Variants in DPT observed in about 807,000 individuals in gnomAD.
DPT encodes the protein dermatopontin, also known as tyrosine-rich acidic matrix protein.
Under a neutral mutation model 31.2 loss-of-function variants are expected in DPT, and 21 were observed. The ratio of observed to expected loss-of-function variants is 0.67; its 90% CI spans 0.48 to 0.97. DPT has a LOEUF of 0.97. DPT is among the 50% of genes least tolerant of loss of function. The pLI is 0.00. For synonymous variants in DPT, 91 were observed against 86.9 expected, an observed-to-expected ratio of 1.05 and a Z score of -0.26; for missense variants, 262 against 258.8, an observed-to-expected ratio of 1.01 and a Z score of -0.08.
intron 2 of DPT, among the ~76,000 whole-genome samples, chr1:168,707,554 A>C (rs1018805924): frequency 2.0e-5 from 3 of 152,180 alleles, no homozygotes; most frequent in African/African-American, 4.8e-5. Flanking sequence ...TATCACCTAT[A>C]ATGCAGGCAC....
At chr1:168,721,214 C>G (rs924797049) in intron 1 of DPT, among the ~76,000 whole-genome samples, 1 of 152,204 alleles carries the variant, frequency 6.6e-6, no homozygotes, top group African/African-American at 2.4e-5. Context: ...GTAAAAGAAG[C>G]CTTCAAAGTT....
At chr1:168,716,000 T>C (rs1321261276) in intron 1 of DPT, among the ~76,000 whole-genome samples, 1 of 152,178 alleles carries the variant, frequency 6.6e-6, no homozygotes, top group Non-Finnish European at 1.5e-5. Flanking sequence ...GTAAGTACCG[T>C]GTGCTGACTG....
intron 1 of DPT, among the ~76,000 whole-genome samples, chr1:168,725,936 G>A (rs867650457): frequency 3.3e-5 from 5 of 152,306 alleles, no homozygotes; most frequent in Admixed American, 6.5e-5. Context: ...TGTAGCCAAC[G>A]TCAGATGTAA....
At chr1:168,714,905 A>T (rs1649944930) in intron 1 of DPT, among the ~76,000 whole-genome samples, 1 of 152,210 alleles carries the variant, frequency 6.6e-6, no homozygotes, top group Non-Finnish European at 1.5e-5. Context: ...GCCCAGTAGG[A>T]AAGCTGGGAC....
At chr1:168,708,355 C>A (rs1649768233) in intron 2 of DPT, among the ~76,000 whole-genome samples, 1 of 152,084 alleles carries the variant, frequency 6.6e-6, no homozygotes, top group Non-Finnish European at 1.5e-5. Context: ...ATAGATTTTG[C>A]TCAAGTTCAG....
intron 2 of DPT, among the ~76,000 whole-genome samples, chr1:168,701,881 TA>T (rs1489078534): frequency 6.6e-6 from 1 of 152,246 alleles, no homozygotes; most frequent in African/African-American, 2.4e-5. Context: ...TTGGAACTAA[TA>T]AAAATGAGTG....
intron 2 of DPT, among the ~76,000 whole-genome samples, chr1:168,710,873 C>T (rs932754403): frequency 6.6e-6 from 1 of 152,158 alleles, no homozygotes; most frequent in African/African-American, 2.4e-5. Flanking sequence ...AGAAGCAATG[C>T]TCAGAGTGTT....
Position 168,729,085 on chromosome 1 carries a change from A to G in DPT, c.90T>C (p.Tyr30=), listed in dbSNP as rs766973896. ...CCCACCCATCATCGCTGTAGTCATG[A>G]TACTGCTGGTATGGGTATCCATAAT... ...YGDYGYPYQQ[Y]HDYSDDGWVN... Residue 30 remains tyrosine (Y), a synonymous_variant, in exon 1 of 4, where the codon TAT becomes TAC. Transcript: ENST00000367817. 2.5e-6 allele frequency: 4 copies of G among 1,614,222 alleles called. No individual in the cohort carries two copies. The South Asian group carries it at 3.3e-5, about 13-fold the overall frequency.
At chr1:168,711,649 C>A (rs930437008) in intron 2 of DPT, among the ~76,000 whole-genome samples, 1 of 152,182 alleles carries the variant, frequency 6.6e-6, no homozygotes, top group African/African-American at 2.4e-5. Context: ...CCTGCAATGA[C>A]CTGACACCTG....
intron 1 of DPT, among the ~76,000 whole-genome samples, chr1:168,718,944 C>T (rs932736129): frequency 6.6e-6 from 1 of 152,174 alleles, no homozygotes; most frequent in Non-Finnish European, 1.5e-5. Flanking sequence ...GCTGCTGTTT[C>T]CCTAAAACAA....
At chr1:168,701,645 T>C (rs1649599884) in intron 2 of DPT, among the ~76,000 whole-genome samples, 1 of 152,220 alleles carries the variant, frequency 6.6e-6, no homozygotes. Context: ...ATTGCGATAG[T>C]TTAATGTTTC....
chr1:168,724,882 C>A (rs948753143), intron 1 of DPT, among the ~76,000 whole-genome samples: 1 of 152,174 alleles, frequency 6.6e-6, no homozygotes, highest in Non-Finnish European at 1.5e-5. Flanking sequence ...TCATTGAATT[C>A]ATAAACTCAG....
chr1:168,700,011 T>C (rs1649557054), intron 3 of DPT, among the ~76,000 whole-genome samples: 1 of 152,206 alleles, frequency 6.6e-6, no homozygotes, highest in Non-Finnish European at 1.5e-5. Context: ...TTCTCTTCTT[T>C]CATTAATTTT....
At chr1:168,727,316 A>G (rs1330702093) in intron 1 of DPT, among the ~76,000 whole-genome samples, 1 of 152,048 alleles carries the variant, frequency 6.6e-6, no homozygotes, top group Non-Finnish European at 1.5e-5. Context: ...AATGGGATAT[A>G]CCCTTGTTTT....
chr1:168,714,286 T>C lies in DPT; in HGVS notation c.366A>G (p.Ser122=). 6.2e-7 allele frequency: 1 copy of C among 1,614,124 alleles called. No individual in the cohort carries two copies. The highest frequency in any genetic ancestry group is 1.1e-5 in the South Asian group (1 of 91,078). The change falls in exon 2 of 4, where the codon TCA becomes TCG. Residue 122 remains serine, a synonymous_variant. Coordinates refer to ENST00000367817, the MANE Select transcript of DPT (RefSeq NM_001937.5). Reference sequence around the variant, plus strand: ...AAAACTGCCACTCCCGATCCAGCACTGACTCGAAGTAGCGGCTCTGGAATC... The same window carrying C: ...AAAACTGCCACTCCCGATCCAGCACCGACTCGAAGTAGCGGCTCTGGAATC... The part of the protein sequence containing the change: ...VAGFQSRYFE[S]VLDREWQFYC...
In DPT at chr1:168,714,198, G is replaced by GT. The variant is rs766088986; in HGVS notation, c.431+22dup. 7 of 1,613,940 alleles carry GT rather than the reference G, an allele frequency of 4.3e-6. No individual in the cohort carries two copies. In the East Asian group the frequency reaches 1.3e-4, roughly 31 times the overall value. ...CTCTCCCACCCCAGGAGTCATGAGG[G>GT]TTTGGTCGGCTGCCAGACTCACCAG... On this transcript the variant is annotated intron_variant, in intron 2 of 3. Transcript: ENST00000367817.
At chr1:168,715,066 A>G (rs1439799623) in intron 1 of DPT, among the ~76,000 whole-genome samples, 1 of 152,134 alleles carries the variant, frequency 6.6e-6, no homozygotes, top group Non-Finnish European at 1.5e-5. Context: ...CAGAGTTGCA[A>G]CAGGCCAACT....
chr1:168,706,774 G>C (rs1056291497), intron 2 of DPT, among the ~76,000 whole-genome samples: 1 of 152,232 alleles, frequency 6.6e-6, no homozygotes, highest in Non-Finnish European at 1.5e-5. Flanking sequence ...TAAATGAGTA[G>C]AGGAAAGTCC....
At chr1:168,725,784 A>G (rs1427910046) in intron 1 of DPT, among the ~76,000 whole-genome samples, 1 of 152,226 alleles carries the variant, frequency 6.6e-6, no homozygotes. Context: ...TTTTCTTTTT[A>G]GCAGATCCTA....
Sources: allele counts gnomAD v4.1 joint callset (sites outside exome capture counted in the v4.1 genomes callset), GRCh38; gene constraint gnomAD v4.1.1; transcripts MANE v1.5; gene names NCBI Gene and HGNC (gene_info 2026-07-23, HGNC 2026-07-21).